The following MALRD1 variants were observed in gnomAD, a reference collection of about 807,000 sequenced individuals.
MALRD1 encodes MAM and LDL-receptor class A domain-containing protein 1.
MALRD1 carries 247 observed loss-of-function variants against 242.1 expected under a neutral mutation model. The observed-to-expected ratio is 1.02, with a 90% CI of 0.92 to 1.13. The LOEUF (loss-of-function observed/expected upper bound fraction) is 1.13. MALRD1 is among the 50% of genes most tolerant of loss of function. MALRD1 has a pLI of 0.00. For missense variants in MALRD1, 2,989 were observed against 2,533.1 expected (o/e 1.18, Z -3.86); for synonymous variants, 995 against 866.6 (o/e 1.15, Z -2.60).
At chr10:19,579,420 A>G in intron 33 of MALRD1, among the ~76,000 whole-genome samples, 2 of 152,214 alleles carry the variant, frequency 1.3e-5, no homozygotes, top group Non-Finnish European at 1.5e-5. Flanking sequence ...TTTTTATTGT[A>G]TATATTTACG....
In MALRD1 at chr10:19,087,912, CA is replaced by C; in HGVS notation, c.416del (p.Asn139MetfsTer17). ...TTAAGAAGCAGAGTTTTCCTTCCAACAAATGATCAACATGACTGCCAGGTAT... is the reference window on the plus strand; with the variant it reads ...TTAAGAAGCAGAGTTTTCCTTCCAACAATGATCAACATGACTGCCAGGTAT... ...SSLRSRVFLP[T>X]NDQHDCQITF... On this transcript the variant is annotated frameshift_variant, in exon 3 of 40. Coordinates refer to ENST00000454679, the MANE Select transcript of MALRD1 (RefSeq NM_001142308.3). LOFTEE classifies it high-confidence loss of function. The C allele has an allele frequency of 8.1e-7, 1 of 1,232,656 alleles. No homozygotes were observed. Among genetic ancestry groups the C allele is most frequent in the Non-Finnish European group, 1.0e-6 (1 of 987,464 alleles). The allele number at this position is 1,232,656 out of a possible 1,614,324, so 76.4% of individuals were successfully genotyped here. A position where few individuals can be genotyped will look rare whatever the true frequency, so the allele number is the denominator to read the frequency against.
intron 38 of MALRD1, among the ~76,000 whole-genome samples, chr10:19,725,821 A>G (rs531519256): frequency 6.6e-6 from 1 of 152,330 alleles, no homozygotes; most frequent in East Asian, 1.9e-4. Flanking sequence ...GCTTGACAAC[A>G]ATGCCAAGTC....
chr10:19,653,925 G>A (rs1841009753), intron 36 of MALRD1, among the ~76,000 whole-genome samples: 1 of 152,098 alleles, frequency 6.6e-6, no homozygotes, highest in African/African-American at 2.4e-5. Context: ...TCTCAACCCA[G>A]AGTCATCCAG....
chr10:19,489,759 A>G (rs1344086178), intron 29 of MALRD1, among the ~76,000 whole-genome samples: 3 of 152,210 alleles, frequency 2.0e-5, no homozygotes. Context: ...ACAATCTTGC[A>G]TCTAACGTCT....
chr10:19,127,320 C>T (rs1837313481), intron 7 of MALRD1, among the ~76,000 whole-genome samples: 2 of 152,264 alleles, frequency 1.3e-5, no homozygotes, highest in Non-Finnish European at 1.5e-5. Context: ...GCATGATTTA[C>T]TGTGCAAAAG....
intron 32 of MALRD1, among the ~76,000 whole-genome samples, chr10:19,547,464 A>G (rs918275542): frequency 4.6e-5 from 7 of 151,924 alleles, no homozygotes; most frequent in African/African-American, 1.2e-4. Flanking sequence ...GACCTTAGCA[A>G]TGCTTTAAAA....
rs114315673 is a variant in MALRD1 at position 19,083,537 on chromosome 10, C to T, written c.341-4303C>T. Reference sequence around the variant, plus strand: ...CTTGCTGGTAATTGTTTTCAACAAACCCCTTATGTAGAAAAAGCATTTTAT... The same window carrying T: ...CTTGCTGGTAATTGTTTTCAACAAATCCCTTATGTAGAAAAAGCATTTTAT... On this transcript the variant is annotated intron_variant, in intron 2 of 39. Transcript: ENST00000454679. Among the ~76,000 whole-genome samples the T allele has an allele frequency of 2.7e-3, 412 of 152,020 alleles. 1 individual carries two copies. The highest frequency in any genetic ancestry group is 9.5e-3 in the African/African-American group (395 of 41,492).
chr10:19,648,966 CA>C (rs1236913321), intron 36 of MALRD1, among the ~76,000 whole-genome samples: 1 of 152,164 alleles, frequency 6.6e-6, no homozygotes, highest in African/African-American at 2.4e-5. Flanking sequence ...ATTGAGCCCC[CA>C]CTTATAAGTG....
At chr10:19,392,577 G>A (rs1211173610) in intron 28 of MALRD1, among the ~76,000 whole-genome samples, 1 of 152,182 alleles carries the variant, frequency 6.6e-6, no homozygotes, top group African/African-American at 2.4e-5. Flanking sequence ...GTAAAGAGCA[G>A]TACCATATTA....
intron 19 of MALRD1, among the ~76,000 whole-genome samples, chr10:19,274,271 A>G (rs73593861): frequency 0.13 from 20,118 of 152,196 alleles, 1,668 homozygotes; most frequent in Admixed American, 0.27. Flanking sequence ...GTATATACAT[A>G]CAATGGAATA....
At chr10:19,340,810 T>G (rs1405495887) in intron 24 of MALRD1, among the ~76,000 whole-genome samples, 1 of 152,128 alleles carries the variant, frequency 6.6e-6, no homozygotes, top group Non-Finnish European at 1.5e-5. Context: ...AATTTAGCAT[T>G]GTTAAATAAT....
chr10:19,447,601 A>T (rs1169827109), intron 28 of MALRD1, among the ~76,000 whole-genome samples: 1 of 152,094 alleles, frequency 6.6e-6, no homozygotes, highest in Non-Finnish European at 1.5e-5. Context: ...TTCTTTGGGG[A>T]TTTGCCATAC....
At chr10:19,659,204 A>C (rs1214179812) in intron 36 of MALRD1, among the ~76,000 whole-genome samples, 1 of 152,198 alleles carries the variant, frequency 6.6e-6, no homozygotes, top group Admixed American at 6.5e-5. Flanking sequence ...TATACACTGC[A>C]TATATTAGGA....
At chr10:19,627,680 G>A (rs1210969795) in intron 36 of MALRD1, among the ~76,000 whole-genome samples, 1 of 148,890 alleles carries the variant, frequency 6.7e-6, no homozygotes, top group Non-Finnish European at 1.5e-5. Context: ...AGAATCACTT[G>A]AACACGGTGG....
chr10:19,255,111 C>T (rs1839449499), intron 18 of MALRD1, among the ~76,000 whole-genome samples: 1 of 152,010 alleles, frequency 6.6e-6, no homozygotes, highest in Admixed American at 6.6e-5. Flanking sequence ...ATGCAAAGAA[C>T]AGCTTGGATG....
chr10:19,223,344 CT>C (rs1001014212), intron 18 of MALRD1, among the ~76,000 whole-genome samples: 2 of 151,980 alleles, frequency 1.3e-5, no homozygotes, highest in African/African-American at 4.8e-5. Flanking sequence ...GCATTGTTGC[CT>C]TTTTCCAAAC....
intron 29 of MALRD1, among the ~76,000 whole-genome samples, chr10:19,451,303 C>G (rs1417758145): frequency 1.3e-5 from 2 of 151,862 alleles, no homozygotes; most frequent in African/African-American, 4.8e-5. Context: ...GAGCTGAGAG[C>G]TGTGCTTGGG....
intron 29 of MALRD1, among the ~76,000 whole-genome samples, chr10:19,461,807 G>T (rs1246184687): frequency 6.6e-6 from 1 of 152,134 alleles, no homozygotes; most frequent in East Asian, 1.9e-4. Context: ...TCTCACCACT[G>T]CACCCCAACC....
At chr10:19,611,480 T>G (rs1838892414) in intron 35 of MALRD1, among the ~76,000 whole-genome samples, 1 of 152,174 alleles carries the variant, frequency 6.6e-6, no homozygotes, top group South Asian at 2.1e-4. Flanking sequence ...CTCAGAATGA[T>G]ATTTCTGTGT....
Sources: allele counts gnomAD v4.1 joint callset (sites outside exome capture counted in the v4.1 genomes callset), GRCh38; gene constraint gnomAD v4.1.1; transcripts MANE v1.5; gene names NCBI Gene and HGNC (gene_info 2026-07-23, HGNC 2026-07-21).